ETS2: variants seen among roughly 807,000 people sequenced by gnomAD.
The protein encoded by ETS2 is ETS proto-oncogene 2, transcription factor, also known as protein C-ets-2.
In ETS2, 19 loss-of-function variants were observed where a neutral mutation model predicts 54.9. The ratio of observed to expected loss-of-function variants is 0.35; its 90% CI spans 0.24 to 0.51. The LOEUF (loss-of-function observed/expected upper bound fraction) is 0.51, where lower values mean the gene tolerates loss of function less well. ETS2 is among the 20% of genes least tolerant of loss of function. The pLI is 0.97. For synonymous variants in ETS2, 219 were observed against 229.3 expected, an observed-to-expected ratio of 0.95 and a Z score of 0.41; for missense variants, 417 against 593.0, an observed-to-expected ratio of 0.70 and a Z score of 3.08.
chr21:38,812,355 T>A (rs559438720), intron 2 of ETS2, among the ~76,000 whole-genome samples: 4 of 152,274 alleles, frequency 2.6e-5, no homozygotes, highest in African/African-American at 9.6e-5. Context: ...GGTAAAGGGG[T>A]CTCTGAGGCT....
At position 38,814,065 on chromosome 21, in the gene ETS2, A is replaced by AT. The variant is rs1277256426; in HGVS notation, c.185-201dup. 2.0e-5 allele frequency among the ~76,000 whole-genome samples: 3 copies of AT among 152,326 alleles called. No individual in the cohort carries two copies. Among genetic ancestry groups the AT allele is most frequent in the African/African-American group, 7.2e-5 (3 of 41,572 alleles). On this transcript the variant is annotated intron_variant, in intron 3 of 9. Coordinates refer to ENST00000360938, the MANE Select transcript of ETS2 (RefSeq NM_005239.6). The surrounding 1 kb of genome is among the most constrained non-coding windows in gnomAD (Gnocchi z 4.2). ...GAATCAAATCTGAGTTTTATTTTAGATTTTTTTAATAAGTATAGTTCTGAG... is the reference window on the plus strand; with the variant it reads ...GAATCAAATCTGAGTTTTATTTTAGATTTTTTTTAATAAGTATAGTTCTGAG...
chr21:38,813,537 T>C (rs1306308301), intron 3 of ETS2, among the ~76,000 whole-genome samples: 2 of 152,222 alleles, frequency 1.3e-5, no homozygotes, highest in Non-Finnish European at 2.9e-5. Context: ...AACAAATTGT[T>C]CTTTGTAATC....
chr21:38,822,360 G>T (rs1262077316), intron 9 of ETS2, among the ~76,000 whole-genome samples: 1 of 152,194 alleles, frequency 6.6e-6, no homozygotes, highest in Non-Finnish European at 1.5e-5. Flanking sequence ...TGGAGGGTGG[G>T]TGACACCACC....
rs766080329 is a variant in ETS2 at position 38,821,674 on chromosome 21, A to T, written c.1164A>T (p.Gly388=). 6.2e-7 allele frequency: 1 copy of T among 1,614,002 alleles called. No homozygotes were observed. The highest frequency in any genetic ancestry group is 1.7e-5 in the Admixed American group (1 of 60,022). The change falls in exon 9 of 10, where the codon GGA becomes GGT. Residue 388 remains glycine, a synonymous_variant. Coordinates refer to ENST00000360938, the MANE Select transcript of ETS2 (RefSeq NM_005239.6). This position sits in a 1 kb window ranked among gnomAD's most constrained non-coding sequence, Gnocchi z 4.2. ...CQSFISWTGD[G]WEFKLADPDE... ...CATTCATCAGCTGGACTGGAGACGG[A>T]TGGGAGTTTAAGCTCGCCGACCCCG... is the stretch of plus-strand genomic sequence containing the variant.
chr21:38,805,882 C>CCCT, upstream of ETS2: 1 of 1,213,446 alleles, frequency 8.2e-7, no homozygotes, highest in Non-Finnish European at 1.1e-6. The surrounding 1 kb of genome is among the most constrained non-coding windows in gnomAD (Gnocchi z 5.2). Context: ...CCTCCCTCCT[C>CCCT]CCTCCTCCTC....
At chr21:38,811,479 A>G (rs1029315992) in intron 2 of ETS2, among the ~76,000 whole-genome samples, 2 of 152,166 alleles carry the variant, frequency 1.3e-5, no homozygotes, top group Non-Finnish European at 2.9e-5. Context: ...AAAGCGGGTA[A>G]CCGATTTTAT....
In ETS2 at chr21:38,819,739, C is replaced by A. The variant is rs772140972; in HGVS notation, c.1048C>A (p.Pro350Thr). ...AGTGGAGCAAGGCAAACCAGTTATA[C>A]CTGCAGCTGTGCTGGCCGGCTTCAC... ...DPVEQGKPVIPAAVLAGFTGS... is the reference protein window; with the variant it reads ...DPVEQGKPVITAAVLAGFTGS... Residue 350 changes from proline (P) to threonine (T), a missense_variant, in exon 8 of 10, where the codon CCT becomes ACT. Pro to Thr is a conservative substitution (Grantham distance 38, BLOSUM62 -1). Around this residue, in one of 3 missense-constraint regions of ETS2, gnomAD observed 60 missense variants for 134.1 expected, o/e 0.45. Coordinates refer to ENST00000360938, the MANE Select transcript of ETS2 (RefSeq NM_005239.6). The A allele has an allele frequency of 1.2e-6, 2 of 1,613,690 alleles. No homozygotes were observed. The highest frequency in any genetic ancestry group is 1.7e-6 in the Non-Finnish European group (2 of 1,179,876).
intron 2 of ETS2, 45 bp from the exon 3 acceptor site, chr21:38,812,957 CA>C (rs1201466964): frequency 1.5e-6 from 2 of 1,292,752 alleles, no homozygotes; most frequent in Non-Finnish European, 2.3e-6. Flanking sequence ...GTAATTCAAT[CA>C]GTTTAAATAT....
intron 9 of ETS2, among the ~76,000 whole-genome samples, chr21:38,822,042 G>A (rs1406585882): frequency 1.3e-5 from 2 of 152,160 alleles, no homozygotes; most frequent in Non-Finnish European, 2.9e-5. Context: ...GGGGGAACAA[G>A]CCTCATGTGG....
At position 38,823,069 on chromosome 21, in the gene ETS2, GCAGCAACGGCA is replaced by G; in HGVS notation, c.*185_*195del. 1 of 461,480 alleles carries G rather than the reference GCAGCAACGGCA, an allele frequency of 2.2e-6. No individual in the cohort carries two copies. Among genetic ancestry groups the G allele is most frequent in the Non-Finnish European group, 3.8e-6 (1 of 265,120 alleles). The allele number at this position is 461,480 out of a possible 1,614,324, so 28.6% of individuals were successfully genotyped here. A position where few individuals can be genotyped will look rare whatever the true frequency, so the allele number is the denominator to read the frequency against. ...TCTTGACCAGGCTGCCTCCCTTGTG[GCAGCAACGGCA>G]CAGCTAATTCTACTCACAGTGCTTT... On this transcript the variant is annotated 3_prime_UTR_variant, in exon 10 of 10. Transcript: ENST00000360938.
At chr21:38,813,580 C>T (rs1009321843) in intron 3 of ETS2, among the ~76,000 whole-genome samples, 2 of 152,164 alleles carry the variant, frequency 1.3e-5, no homozygotes, top group African/African-American at 4.8e-5. Context: ...TGTAGTTCTT[C>T]GTGTCATTGT....
chr21:38,805,866 C>A (rs2060889904), upstream of ETS2: 5 of 1,183,992 alleles, frequency 4.2e-6, no homozygotes, highest in Non-Finnish European at 5.3e-6. This position sits in a 1 kb window ranked among gnomAD's most constrained non-coding sequence, Gnocchi z 5.2. Context: ...GCCGTCCCTC[C>A]TTCCTCCTCC....
At position 38,821,707 on chromosome 21, in the gene ETS2, A is replaced by G; in HGVS notation, c.1194+3A>G. 1 of 1,596,888 alleles carries G rather than the reference A, an allele frequency of 6.3e-7. No homozygotes were observed. The highest frequency in any genetic ancestry group is 1.7e-5 in the Admixed American group (1 of 59,998). ...TTAAGCTCGCCGACCCCGATGAGGT[A>G]TGGCCAGAGCCCTGGGAAATCTCTG... On this transcript the variant is annotated splice_donor_region_variant and intron_variant, in intron 9 of 9. Transcript: ENST00000360938. This position sits in a 1 kb window ranked among gnomAD's most constrained non-coding sequence, Gnocchi z 4.2.
rs141417031 is a variant in ETS2, at chr21:38,812,943, A to G, written c.73-60A>G. 6.0e-4 allele frequency: 726 copies of G among 1,210,682 alleles called. 6 individuals are homozygous for G. The highest frequency in any genetic ancestry group is 1.4e-4 in the Non-Finnish European group (112 of 814,400). 75.0% of individuals were successfully genotyped at this position (1,210,682 alleles called of 1,614,324 possible). On this transcript the variant is annotated intron_variant, in intron 2 of 9. Transcript: ENST00000360938. ...GGATTGCCCACAGACCACTTTTACA[A>G]CAGGTAATTCAATCAGTTTAAATAT...
intron 2 of ETS2, 125 bp downstream of exon 2, chr21:38,810,231 G>C: frequency 3.5e-6 from 2 of 566,270 alleles, no homozygotes; most frequent in South Asian, 5.5e-5. Context: ...TTGGCCATGT[G>C]ACTATAGACT....
At chr21:38,805,557 G>C (rs932850571), upstream of ETS2, 63 of 1,283,288 alleles carry the variant, frequency 4.9e-5, no homozygotes, top group Non-Finnish European at 6.2e-5. This position sits in a 1 kb window ranked among gnomAD's most constrained non-coding sequence, Gnocchi z 5.2. Context: ...CCCTGCTCCC[G>C]GGGCCTCAGG....
In ETS2 at chr21:38,822,793, C is replaced by T. The variant is rs770842891; in HGVS notation, c.1314C>T (p.Tyr438=). The T allele has an allele frequency of 2.5e-6, 4 of 1,614,010 alleles. No individual in the cohort carries two copies. The highest frequency in any genetic ancestry group is 1.3e-5 in the African/African-American group (1 of 74,944). ...TCCACAAGACGTCGGGGAAGCGCTA[C>T]GTGTACCGCTTCGTGTGCGACCTCC... ...NIIHKTSGKR[Y]VYRFVCDLQN... is the part of the protein sequence containing the mutation. Residue 438 remains tyrosine (Y), a synonymous_variant, in exon 10 of 10, where the codon TAC becomes TAT. Transcript: ENST00000360938.
chr21:38,816,082 GGGGA>G lies in ETS2; in HGVS notation c.506-901_506-898del, dbSNP rs1378911574. Among the ~76,000 whole-genome samples the G allele has an allele frequency of 8.3e-3, 20 of 2,396 alleles. 6 individuals carry two copies. The highest frequency in any genetic ancestry group is 0.024 in the African/African-American group (16 of 680). 1.6% of individuals were successfully genotyped at this position (2,396 alleles called of 152,430 possible). ...GGGGAGGGAGGGAGGGAGGGAGGGA[GGGGA>G]GGGAGGGAGGGAGGGAGGGAGGGAA... On this transcript the variant is annotated intron_variant, in intron 5 of 9. Transcript: ENST00000360938.
At chr21:38,818,221 A>G (rs2060942923) in intron 6 of ETS2, among the ~76,000 whole-genome samples, 1 of 152,164 alleles carries the variant, frequency 6.6e-6, no homozygotes, top group Non-Finnish European at 1.5e-5. Context: ...GGCTGCAGTC[A>G]TTTTGGCAGA....
Sources: gnomAD v4.1 joint callset for allele counts (sites outside exome capture counted in the v4.1 genomes callset) on GRCh38, gnomAD v4.1.1 for gene constraint, gnomAD v4.1.1 regional missense constraint, Gnocchi (gnomAD v3.1) non-coding constraint, MANE v1.5 for transcripts, NCBI Gene and HGNC (gene_info 2026-07-23, HGNC 2026-07-21) for gene names.